The following RANBP2 variants were observed in gnomAD, a reference collection of about 807,000 sequenced individuals.
RANBP2 encodes the protein RAN binding protein 2, also known as E3 SUMO-protein ligase RanBP2.
Under a neutral mutation model 303.6 loss-of-function variants are expected in RANBP2, and 57 were observed. The observed-to-expected ratio is 0.19, with a 90% CI of 0.15 to 0.23. RANBP2 has a LOEUF of 0.23. RANBP2 is among the 10% of genes least tolerant of loss of function. RANBP2 has a pLI of 1.00. For synonymous variants in RANBP2, 1,167 were observed against 1,301.5 expected (o/e 0.90, Z 2.23); for missense variants, 3,138 against 3,780.8 (o/e 0.83, Z 4.46).
the RANBP2 span, among the ~76,000 whole-genome samples, chr2:109,383,361 C>T: frequency 1.3e-5 from 2 of 152,310 alleles, no homozygotes; most frequent in African/African-American, 2.4e-5. Context: ...CCCATCTTTG[C>T]AGGGAGATCT....
the RANBP2 span, among the ~76,000 whole-genome samples, chr2:109,538,631 T>A: frequency 6.6e-6 from 1 of 152,214 alleles, no homozygotes; most frequent in African/African-American, 2.4e-5. Context: ...GCAATTCTCG[T>A]GCCTCAGCCT....
chr2:108,972,365 G>C, the RANBP2 span, among the ~76,000 whole-genome samples: 2 of 152,346 alleles, frequency 1.3e-5, no homozygotes, highest in Middle Eastern at 6.8e-3. Context: ...AACAGGGGCA[G>C]GGCACTGCAT....
chr2:109,127,520 T>A, the RANBP2 span: 1 of 152,196 alleles, frequency 6.6e-6, no homozygotes, highest in Admixed American at 6.5e-5. Flanking sequence ...AGTATGAATA[T>A]CACTTTCCTC....
At chr2:109,571,443 T>C in the RANBP2 span, among the ~76,000 whole-genome samples, 1 of 152,222 alleles carries the variant, frequency 6.6e-6, no homozygotes, top group African/African-American at 2.4e-5. Flanking sequence ...ACTATAAGCC[T>C]GTACAGCATG....
the RANBP2 span, among the ~76,000 whole-genome samples, chr2:109,014,003 T>C: frequency 2.0e-5 from 3 of 152,230 alleles, no homozygotes; most frequent in Non-Finnish European, 2.9e-5. Context: ...ACATTCCAGT[T>C]CTGAGCTTGC....
chr2:109,000,958 G>A, the RANBP2 span, among the ~76,000 whole-genome samples: 1 of 152,178 alleles, frequency 6.6e-6, no homozygotes, highest in South Asian at 2.1e-4. Context: ...AGGCCCAGGT[G>A]AGGGACTGGG....
chr2:109,714,646 G>C, the RANBP2 span, among the ~76,000 whole-genome samples: 1 of 145,328 alleles, frequency 6.9e-6, no homozygotes, highest in Non-Finnish European at 1.5e-5. Context: ...AGGTCTCTCT[G>C]TATTGCCCAG....
the RANBP2 span, among the ~76,000 whole-genome samples, chr2:108,842,148 C>T: frequency 1.3e-5 from 2 of 152,142 alleles, no homozygotes; most frequent in African/African-American, 4.8e-5. Flanking sequence ...CTGCCTCAGC[C>T]TCCTGTGTAG....
chr2:109,527,708 T>C, the RANBP2 span, among the ~76,000 whole-genome samples: 7 of 152,324 alleles, frequency 4.6e-5, no homozygotes, highest in South Asian at 2.1e-4. Flanking sequence ...ATTTTGCAAC[T>C]GTTTTGTAGG....
the RANBP2 span, among the ~76,000 whole-genome samples, chr2:109,546,889 G>A: frequency 1.3e-5 from 2 of 152,096 alleles, no homozygotes; most frequent in Non-Finnish European, 2.9e-5. Flanking sequence ...TAAAGATAAA[G>A]AATAAATTAA....
chr2:109,335,683 G>T, the RANBP2 span, among the ~76,000 whole-genome samples: 1 of 152,102 alleles, frequency 6.6e-6, no homozygotes, highest in African/African-American at 2.4e-5. Context: ...CTCCACCCGG[G>T]TGGGGACCTC....
the RANBP2 span, among the ~76,000 whole-genome samples, chr2:109,142,158 A>G: frequency 5.9e-5 from 9 of 151,838 alleles, no homozygotes; most frequent in South Asian, 1.9e-3. Context: ...GGAGAGCAGC[A>G]AGGGAATGCT....
downstream of RANBP2, among the ~76,000 whole-genome samples, chr2:108,787,611 G>GGGTC (rs1679112744): frequency 3.9e-5 from 6 of 152,204 alleles, no homozygotes; most frequent in South Asian, 1.2e-3. Flanking sequence ...TTTTTTCCTA[G>GGGTC]TGCAGATCCG....
the RANBP2 span, among the ~76,000 whole-genome samples, chr2:109,265,458 C>T: frequency 1.3e-5 from 2 of 152,230 alleles, no homozygotes. Context: ...GCCCCCACCT[C>T]CCAGCGTGGA....
the RANBP2 span, among the ~76,000 whole-genome samples, chr2:109,400,005 C>A: frequency 6.6e-6 from 1 of 152,066 alleles, no homozygotes; most frequent in Non-Finnish European, 1.5e-5. Flanking sequence ...CTGCCCTGGA[C>A]AGGCCTCAGA....
chr2:108,845,012 C>G, the RANBP2 span, among the ~76,000 whole-genome samples: 1 of 151,960 alleles, frequency 6.6e-6, no homozygotes, highest in Non-Finnish European at 1.5e-5. Context: ...TCCCAAAGTG[C>G]TGGGATTACA....
chr2:109,223,868 A>G, the RANBP2 span, among the ~76,000 whole-genome samples: 13 of 152,180 alleles, frequency 8.5e-5, no homozygotes, highest in Non-Finnish European at 1.9e-4. Context: ...GTGGTGGCAC[A>G]TGTCTGTTGT....
chr2:109,374,455 G>A, the RANBP2 span, among the ~76,000 whole-genome samples: 4 of 152,148 alleles, frequency 2.6e-5, no homozygotes, highest in South Asian at 4.1e-4. Context: ...CTGGTGGATC[G>A]GAAAGTCCTG....
At chr2:109,449,295 C>T in the RANBP2 span, 2 of 1,608,738 alleles carry the variant, frequency 1.2e-6, no homozygotes, top group African/African-American at 2.7e-5. Context: ...GTCCCCGCAG[C>T]ACAGCCACCA....
Sources: gnomAD v4.1 joint callset for allele counts (sites outside exome capture counted in the v4.1 genomes callset) on GRCh38, gnomAD v4.1.1 for gene constraint, MANE v1.5 for transcripts, NCBI Gene and HGNC (gene_info 2026-07-23, HGNC 2026-07-21) for gene names.